The following MGAT4C variants were observed in gnomAD, a reference collection of about 807,000 sequenced individuals.
MGAT4C encodes alpha-1,3-mannosyl-glycoprotein 4-beta-N-acetylglucosaminyltransferase C.
MGAT4C carries 19 observed loss-of-function variants against 40.1 expected under a neutral mutation model. The observed-to-expected ratio is 0.47, with a 90% CI of 0.33 to 0.70. The LOEUF (loss-of-function observed/expected upper bound fraction) is 0.70, where lower values mean the gene tolerates loss of function less well. MGAT4C is among the 30% of genes least tolerant of loss of function. MGAT4C has a pLI of 0.02. For missense variants in MGAT4C, 491 were observed against 563.2 expected (o/e 0.87, Z 1.30); for synonymous variants, 181 against 187.1 (o/e 0.97, Z 0.27).
At chr12:86,760,010 C>T (rs1951373331) in intron 1 of MGAT4C, among the ~76,000 whole-genome samples, 1 of 152,072 alleles carries the variant, frequency 6.6e-6, no homozygotes, top group Admixed American at 6.5e-5. Flanking sequence ...TACCACATCA[C>T]CTATCTTCAA....
intron 1 of MGAT4C, among the ~76,000 whole-genome samples, chr12:86,810,023 C>T (rs148933537): frequency 6.6e-6 from 1 of 151,932 alleles, no homozygotes; most frequent in Non-Finnish European, 1.5e-5. Flanking sequence ...TTAATTTAAG[C>T]CTACTTGATT....
intron 4 of MGAT4C, among the ~76,000 whole-genome samples, chr12:86,297,160 C>CT (rs2136135489): frequency 6.6e-6 from 1 of 152,242 alleles, no homozygotes; most frequent in East Asian, 1.9e-4. Flanking sequence ...TTAAGTAATA[C>CT]TTTATTTTCA....
chr12:86,737,804 C>T (rs1464550977), intron 1 of MGAT4C, among the ~76,000 whole-genome samples: 1 of 151,214 alleles, frequency 6.6e-6, no homozygotes, highest in Non-Finnish European at 1.5e-5. Context: ...CTCTCACATA[C>T]ACAACTTGAG....
chr12:86,282,070 T>C (rs1953232175), intron 4 of MGAT4C, among the ~76,000 whole-genome samples: 2 of 152,110 alleles, frequency 1.3e-5, no homozygotes, highest in Admixed American at 1.3e-4. Flanking sequence ...GCTTTTTAAA[T>C]TTTACTTTGC....
In MGAT4C at chr12:86,828,596, A is replaced by G. The variant is rs966381347; in HGVS notation, c.-262+10070T>C. ...CCATCTTCACTCTTTGAGAGTGCAC[A>G]ATCACAAAAAGTAACCCCCAAAACA... On this transcript the variant is annotated intron_variant, in intron 1 of 7. Coordinates refer to the MGAT4C transcript ENST00000548651. Among the ~76,000 whole-genome samples the G allele has an allele frequency of 2.0e-5, 3 of 151,522 alleles. No individual in the cohort carries two copies. In the Admixed American group the frequency reaches 2.0e-4, roughly 10 times the overall value.
chr12:86,222,933 A>G (rs984625394), intron 1 of MGAT4C, among the ~76,000 whole-genome samples: 2 of 152,208 alleles, frequency 1.3e-5, no homozygotes, highest in Non-Finnish European at 1.5e-5. Context: ...CACTCCTGCT[A>G]TACCATTTTA....
Position 86,806,561 on chromosome 12 carries a change from G to A in MGAT4C, c.-262+32105C>T, listed in dbSNP as rs1289948028. Among the ~76,000 whole-genome samples the A allele has an allele frequency of 3.3e-5, 5 of 151,772 alleles. No individual in the cohort carries two copies. In the Admixed American group the frequency reaches 3.3e-4, roughly 10 times the overall value. On this transcript the variant is annotated intron_variant, in intron 1 of 7. Coordinates refer to the MGAT4C transcript ENST00000548651. ...TTACTGAACAGTTCCATTACCAAAA[G>A]GATCCCTCCTGTCACCTTTCTATTA...
At chr12:86,213,360 T>C (rs1015357352) in intron 1 of MGAT4C, among the ~76,000 whole-genome samples, 8 of 152,174 alleles carry the variant, frequency 5.3e-5, no homozygotes, top group African/African-American at 1.2e-4. Context: ...CTGTAATAGA[T>C]TGATCGGTTC....
chr12:86,497,915 T>C (rs1028212033), intron 2 of MGAT4C, among the ~76,000 whole-genome samples: 12 of 141,834 alleles, frequency 8.5e-5, no homozygotes, highest in African/African-American at 2.3e-4. Flanking sequence ...TATATATATA[T>C]ACGCACACAC....
chr12:86,576,050 T>A (rs1358789610), intron 2 of MGAT4C, among the ~76,000 whole-genome samples: 2 of 151,996 alleles, frequency 1.3e-5, no homozygotes, highest in African/African-American at 4.8e-5. Flanking sequence ...TATCTCATTG[T>A]AGCTTTGATT....
At chr12:86,162,225 CA>C (rs1357862137) in intron 1 of MGAT4C, among the ~76,000 whole-genome samples, 1 of 152,068 alleles carries the variant, frequency 6.6e-6, no homozygotes, top group Non-Finnish European at 1.5e-5. Context: ...TTCAAAATAG[CA>C]AAGACATGAA....
intron 2 of MGAT4C, among the ~76,000 whole-genome samples, chr12:86,608,129 C>T (rs1421668170): frequency 1.3e-5 from 2 of 151,984 alleles, no homozygotes; most frequent in African/African-American, 4.8e-5. Context: ...GTACATAGTT[C>T]CTGCCTTCAA....
intron 1 of MGAT4C, among the ~76,000 whole-genome samples, chr12:86,186,680 G>C (rs1888792907): frequency 6.6e-6 from 1 of 152,054 alleles, no homozygotes; most frequent in African/African-American, 2.4e-5. Flanking sequence ...ACATGCCTAG[G>C]TCTTGCCTAA....
chr12:86,718,778 GC>G (rs1194792719), intron 2 of MGAT4C, among the ~76,000 whole-genome samples: 1 of 152,070 alleles, frequency 6.6e-6, no homozygotes, highest in African/African-American at 2.4e-5. Context: ...AGAAATCTAG[GC>G]TGCATGCTCC....
At chr12:86,267,237 T>A (rs1267036415) in intron 4 of MGAT4C, among the ~76,000 whole-genome samples, 1 of 152,196 alleles carries the variant, frequency 6.6e-6, no homozygotes, top group Non-Finnish European at 1.5e-5. Flanking sequence ...ATTGAAGCTA[T>A]AAAGTTCTCT....
At chr12:85,996,984 C>A (rs376414555) in intron 2 of MGAT4C, among the ~76,000 whole-genome samples, 4 of 152,168 alleles carry the variant, frequency 2.6e-5, no homozygotes, top group Non-Finnish European at 5.9e-5. Context: ...CTCCACCCAA[C>A]AATAGCAGTG....
intron 2 of MGAT4C, among the ~76,000 whole-genome samples, chr12:86,519,385 T>A (rs1030302743): frequency 3.3e-5 from 5 of 152,184 alleles, no homozygotes; most frequent in Admixed American, 1.3e-4. Context: ...GATATCTCTT[T>A]GAAATACTGA....
At chr12:86,683,214 G>A (rs368599676) in intron 2 of MGAT4C, among the ~76,000 whole-genome samples, 1 of 151,924 alleles carries the variant, frequency 6.6e-6, no homozygotes, top group Non-Finnish European at 1.5e-5. Context: ...ATGAAGAAAC[G>A]GAACTCTATT....
chr12:86,479,455 AC>A (rs1306347688), intron 2 of MGAT4C, among the ~76,000 whole-genome samples: 1 of 151,900 alleles, frequency 6.6e-6, no homozygotes, highest in Non-Finnish European at 1.5e-5. Context: ...TGTGTGAATA[AC>A]TGTGTATTGC....
Sources: allele counts gnomAD v4.1 joint callset (sites outside exome capture counted in the v4.1 genomes callset), GRCh38; gene constraint gnomAD v4.1.1; transcripts MANE v1.5; gene names NCBI Gene and HGNC (gene_info 2026-07-23, HGNC 2026-07-21).